Variants in PRKD1 observed in about 807,000 individuals in gnomAD.
PRKD1 encodes protein kinase D1.
A neutral mutation model predicts 95.9 loss-of-function variants in PRKD1; 63 were observed. The ratio of observed to expected loss-of-function variants is 0.66; its 90% CI spans 0.54 to 0.81. The LOEUF (loss-of-function observed/expected upper bound fraction) is 0.81, where lower values mean the gene tolerates loss of function less well. Among genes scored for constraint, PRKD1 ranks in the 30% least tolerant of loss-of-function variants. The probability of loss-of-function intolerance (pLI) is 0.00; values close to 1 mark genes in which losing one functional copy is unlikely to be tolerated. For missense variants in PRKD1, 1,048 were observed against 1,165.3 expected (o/e 0.90, Z 1.47); for synonymous variants, 425 against 423.1 (o/e 1.00, Z -0.05).
At chr14:29,681,649 C>T (rs761799866) in intron 2 of PRKD1, among the ~76,000 whole-genome samples, 60 of 152,140 alleles carry the variant, frequency 3.9e-4, no homozygotes, top group Non-Finnish European at 7.4e-4. Flanking sequence ...GGAATATGAA[C>T]CAAGTAGAGG....
At chr14:29,772,985 T>G (rs1216837878) in intron 1 of PRKD1, among the ~76,000 whole-genome samples, 3 of 152,238 alleles carry the variant, frequency 2.0e-5, no homozygotes, top group African/African-American at 7.2e-5. Context: ...TTTTAATAAT[T>G]TTAATTTTAT....
chr14:29,655,622 T>C (rs1014572092), intron 4 of PRKD1, among the ~76,000 whole-genome samples: 6 of 152,282 alleles, frequency 3.9e-5, no homozygotes, highest in African/African-American at 1.4e-4. Context: ...TTGGATGCTC[T>C]AATACTTGAC....
chr14:29,866,362 C>T (rs1041582618), intron 1 of PRKD1, among the ~76,000 whole-genome samples: 1 of 152,156 alleles, frequency 6.6e-6, no homozygotes, highest in Non-Finnish European at 1.5e-5. Context: ...CCATTCTATA[C>T]TATGTAGTTG....
At chr14:29,579,035 T>C (rs1339698322) in intron 16 of PRKD1, among the ~76,000 whole-genome samples, 1 of 151,940 alleles carries the variant, frequency 6.6e-6, no homozygotes. Context: ...TAACAAGAAA[T>C]GTTCTCTGAG....
At chr14:29,714,789 T>A (rs1431885541) in intron 2 of PRKD1, among the ~76,000 whole-genome samples, 1 of 152,094 alleles carries the variant, frequency 6.6e-6, no homozygotes, top group African/African-American at 2.4e-5. Context: ...TAAAAAAGGA[T>A]GAGTTCATGT....
chr14:29,796,642 C>T (rs1566606581), intron 1 of PRKD1, among the ~76,000 whole-genome samples: 2 of 152,054 alleles, frequency 1.3e-5, no homozygotes, highest in Non-Finnish European at 2.9e-5. Context: ...ACAAGTGAGT[C>T]ACAGGCCTCT....
chr14:29,920,539 CTAGT>C lies in PRKD1; in HGVS notation c.264+6706_264+6709del, dbSNP rs1287443560. Among the ~76,000 whole-genome samples the C allele has an allele frequency of 3.3e-5, 5 of 150,654 alleles. No homozygotes were observed. The East Asian group carries it at 9.8e-4, about 30-fold the overall frequency. On this transcript the variant is annotated intron_variant, in intron 1 of 17. Transcript: ENST00000331968. ...CAGCCCTGCAATATTGATCATTATA[CTAGT>C]TATTTGGTATAGTTTGAGAGCTTAT...
At chr14:29,819,574 C>T (rs1890827427) in intron 1 of PRKD1, among the ~76,000 whole-genome samples, 1 of 152,052 alleles carries the variant, frequency 6.6e-6, no homozygotes, top group African/African-American at 2.4e-5. Context: ...CCTGTAGTCC[C>T]AGCTACTCGG....
intron 1 of PRKD1, among the ~76,000 whole-genome samples, chr14:29,795,023 A>G (rs1889751275): frequency 6.6e-6 from 1 of 152,092 alleles, no homozygotes; most frequent in Non-Finnish European, 1.5e-5. Context: ...ACTAAGTTGA[A>G]CATTTTTCCT....
In PRKD1 at chr14:29,847,598, C is replaced by T. The variant is rs114018827; in HGVS notation, c.264+79651G>A. 9.8e-3 allele frequency among the ~76,000 whole-genome samples: 1,491 copies of T among 152,184 alleles called. 28 individuals are homozygous for T. Among genetic ancestry groups the T allele is most frequent in the African/African-American group, 0.034 (1,421 of 41,522 alleles). ...CAGCTTTCTATTTTTTGTAGGGACT[C>T]TGATCATATATTTCATGCAACAGAC... On this transcript the variant is annotated intron_variant, in intron 1 of 17. Coordinates refer to ENST00000331968, the MANE Select transcript of PRKD1 (RefSeq NM_002742.3).
chr14:29,859,750 T>TTTA (rs1354057449), intron 1 of PRKD1, among the ~76,000 whole-genome samples: 3 of 152,288 alleles, frequency 2.0e-5, no homozygotes, highest in Non-Finnish European at 4.4e-5. Flanking sequence ...GAAAAGGAAA[T>TTTA]TTATTAACTA....
At chr14:29,636,070 G>C (rs928281530) in intron 7 of PRKD1, among the ~76,000 whole-genome samples, 1 of 149,862 alleles carries the variant, frequency 6.7e-6, no homozygotes, top group Non-Finnish European at 1.5e-5. Context: ...ATAGTTCAAT[G>C]AATGAGGTGA....
chr14:29,826,025 T>G (rs139838398), intron 1 of PRKD1, among the ~76,000 whole-genome samples: 7 of 151,644 alleles, frequency 4.6e-5, no homozygotes, highest in Non-Finnish European at 8.8e-5. Context: ...TGCATGTTTA[T>G]AGTAGCACAA....
chr14:29,867,298 G>A (rs1178727840), intron 1 of PRKD1, among the ~76,000 whole-genome samples: 1 of 152,126 alleles, frequency 6.6e-6, no homozygotes, highest in African/African-American at 2.4e-5. Context: ...TTTACATAGT[G>A]GTTGGGGAAA....
At position 29,808,373 on chromosome 14, in the gene PRKD1, CTTTTTTTTTTTTTTTTTTTTTTTTTT is replaced by C. The variant is rs34250184; in HGVS notation, c.265-82725_265-82700del. Among the ~76,000 whole-genome samples, 58 of 20,016 alleles carry C rather than the reference CTTTTTTTTTTTTTTTTTTTTTTTTTT, an allele frequency of 2.9e-3. 1 individual carries two copies. The highest frequency in any genetic ancestry group is 9.1e-3 in the Admixed American group (13 of 1,434). The allele number at this position is 20,016 out of a possible 152,430, so 13.1% of individuals were successfully genotyped here. A position where few individuals can be genotyped will look rare whatever the true frequency, so the allele number is the denominator to read the frequency against. On this transcript the variant is annotated intron_variant, in intron 1 of 17. Coordinates refer to ENST00000331968, the MANE Select transcript of PRKD1 (RefSeq NM_002742.3). ...AATTCGGTCCTACTTTCAGGCTCTA[CTTTTTTTTTTTTTTTTTTTTTTTTTT>C]TTTTTTTTTTTTTTTTGAGATGGGA...
intron 1 of PRKD1, among the ~76,000 whole-genome samples, chr14:29,727,225 T>C (rs947008833): frequency 6.6e-6 from 1 of 152,216 alleles, no homozygotes; most frequent in South Asian, 2.1e-4. Context: ...TCATGTCCTT[T>C]GCCCACTTTT....
At chr14:29,920,797 C>A (rs975075676) in intron 1 of PRKD1, among the ~76,000 whole-genome samples, 3 of 152,162 alleles carry the variant, frequency 2.0e-5, no homozygotes, top group Non-Finnish European at 4.4e-5. Context: ...ACTGATAACT[C>A]AATTGTTTCC....
intron 2 of PRKD1, among the ~76,000 whole-genome samples, chr14:29,696,552 G>A (rs751828432): frequency 2.6e-5 from 4 of 152,136 alleles, no homozygotes; most frequent in Non-Finnish European, 4.4e-5. Flanking sequence ...GTTAGATAGT[G>A]ATGACTGCAT....
At chr14:29,653,365 T>C (rs1193725344) in intron 4 of PRKD1, among the ~76,000 whole-genome samples, 5 of 152,172 alleles carry the variant, frequency 3.3e-5, no homozygotes, top group Admixed American at 3.3e-4. Context: ...ATAAGTTCTC[T>C]GTAGAGCCTC....
Sources: allele counts gnomAD v4.1 joint callset (sites outside exome capture counted in the v4.1 genomes callset), GRCh38; gene constraint gnomAD v4.1.1; transcripts MANE v1.5; gene names NCBI Gene and HGNC (gene_info 2026-07-23, HGNC 2026-07-21).